Variants in SIN3A observed in about 807,000 individuals in gnomAD.
SIN3A encodes SIN3 transcription regulator family member A.
SIN3A carries 14 observed loss-of-function variants against 146.1 expected under a neutral mutation model. That is an observed-to-expected ratio of 0.10 (90% confidence interval 0.06 to 0.15). The LOEUF (loss-of-function observed/expected upper bound fraction) is 0.15. Among genes scored for constraint, SIN3A ranks in the 10% least tolerant of loss-of-function variants. The pLI is 1.00. For missense variants in SIN3A, 1,028 were observed against 1,576.0 expected (o/e 0.65, Z 5.89); for synonymous variants, 572 against 572.0 (o/e 1.00, Z 0.00).
intron 3 of SIN3A, among the ~76,000 whole-genome samples, chr15:75,416,931 G>C (rs962306751): frequency 6.6e-6 from 1 of 152,132 alleles, no homozygotes; most frequent in Non-Finnish European, 1.5e-5. Context: ...GGGTTGGCTT[G>C]TGAAAAGTTG....
chr15:75,454,705 C>CGCGCCGAGCGGTCCGCAGCA (rs1306389522), upstream of SIN3A, among the ~76,000 whole-genome samples: 3 of 151,410 alleles, frequency 2.0e-5, no homozygotes, highest in East Asian at 3.9e-4. Context: ...CCGCCCCATC[C>CGCGCCGAGCGGTCCGCAGCA]GCGCCGAGCG....
chr15:75,393,139 G>T (rs1301948812), intron 14 of SIN3A, among the ~76,000 whole-genome samples: 1 of 152,192 alleles, frequency 6.6e-6, no homozygotes. Context: ...TAAGGCAAGA[G>T]AATCACTTGA....
At chr15:75,437,718 C>CA (rs1206661018) in intron 1 of SIN3A, among the ~76,000 whole-genome samples, 6 of 152,158 alleles carry the variant, frequency 3.9e-5, no homozygotes, top group African/African-American at 1.4e-4. Context: ...CTTCAGCCAA[C>CA]ATGGTTGATC....
At chr15:75,380,765 A>C in intron 18 of SIN3A, 42 bp from the exon 19 acceptor site, 1 of 1,405,798 alleles carries the variant, frequency 7.1e-7, no homozygotes, top group Non-Finnish European at 1.0e-6. Flanking sequence ...GGAAATCACA[A>C]AAACAGCTCC....
chr15:75,375,579 A>G, intron 20 of SIN3A, 86 bp downstream of exon 20: 1 of 1,071,488 alleles, frequency 9.3e-7, no homozygotes, highest in South Asian at 1.3e-5. Flanking sequence ...GCATAAACAA[A>G]GAAAAACAAT....
At position 75,369,389 on chromosome 15, in the gene SIN3A, T is replaced by TC. The variant is rs2072682203; in HGVS notation, c.*2589_*2590insG. The TC allele has an allele frequency of 6.6e-6, 1 of 152,018 alleles. No homozygotes were observed. The highest frequency in any genetic ancestry group is 2.4e-5 in the African/African-American group (1 of 41,404). 9.4% of individuals were successfully genotyped at this position (152,018 alleles called of 1,614,324 possible). On this transcript the variant is annotated 3_prime_UTR_variant, in exon 21 of 21. Coordinates refer to ENST00000394947, the MANE Select transcript of SIN3A (RefSeq NM_001145358.2). ...AAAAAATACACAAGATTAGCCCTGA[T>TC]ATTTTAATGGAAATACTGACCAAGT... is the stretch of plus-strand genomic sequence containing the variant.
At chr15:75,384,693 T>G (rs768570783) in intron 16 of SIN3A, among the ~76,000 whole-genome samples, 1 of 152,138 alleles carries the variant, frequency 6.6e-6, no homozygotes, top group South Asian at 2.1e-4. Context: ...ATAAGAACCA[T>G]AGAGAACTCA....
intron 14 of SIN3A, among the ~76,000 whole-genome samples, chr15:75,393,532 T>C (rs62029734): frequency 0.083 from 12,671 of 152,054 alleles, 671 homozygotes; most frequent in South Asian, 0.2. Context: ...TGCACCACCA[T>C]GCCAGGCTAA....
At position 75,415,854 on chromosome 15, in the gene SIN3A, G is replaced by GAA. The variant is rs397946961; in HGVS notation, c.367-1545_367-1544dup. On this transcript the variant is annotated intron_variant, in intron 3 of 20. Coordinates refer to ENST00000394947, the MANE Select transcript of SIN3A (RefSeq NM_001145358.2). Reference sequence around the variant, plus strand: ...CAACAAGAGTGAAACTCGGTCTCAGGAAAAAAAAAAAAAAAAAAAAAGTCC... The same window carrying GAA: ...CAACAAGAGTGAAACTCGGTCTCAGGAAAAAAAAAAAAAAAAAAAAAAAGTCC... 785 of 96,110 alleles carry GAA rather than the reference G, an allele frequency of 8.2e-3. 6 individuals are homozygous for GAA. Among genetic ancestry groups the GAA allele is most frequent in the South Asian group, 0.021 (73 of 3,516 alleles). 6.0% of individuals were successfully genotyped at this position (96,110 alleles called of 1,614,324 possible). A position where few individuals can be genotyped will look rare whatever the true frequency, so the allele number is the denominator to read the frequency against.
Position 75,380,649 on chromosome 15 carries a change from C to A in SIN3A, c.3363G>T (p.Gln1121His). 1 of 1,613,738 alleles carries A rather than the reference C, an allele frequency of 6.2e-7. No homozygotes were observed. The highest frequency in any genetic ancestry group is 8.5e-7 in the Non-Finnish European group (1 of 1,179,662). Residue 1121 changes from glutamine (Q) to histidine (H), a missense_variant, in exon 19 of 21, where the codon CAG becomes CAT. Physicochemically the swap from Gln to His is conservative, Grantham distance 24. Coordinates refer to ENST00000394947, the MANE Select transcript of SIN3A (RefSeq NM_001145358.2). ...CTCACCTGGGGAGAAATACTGGTTT[C>A]TGTGCTAGATGTTCACGAAGCTCAG... Reference protein sequence around the residue: ...TSPELREHLAQKPVFLPRNLR... With the variant: ...TSPELREHLAHKPVFLPRNLR...
At chr15:75,417,688 T>C (rs536672820) in intron 3 of SIN3A, among the ~76,000 whole-genome samples, 8 of 152,246 alleles carry the variant, frequency 5.3e-5, no homozygotes, top group African/African-American at 1.4e-4. Flanking sequence ...CAGGCATAGA[T>C]AGTCTTTTGA....
At chr15:75,404,296 T>C (rs2073467511) in intron 9 of SIN3A, among the ~76,000 whole-genome samples, 1 of 152,220 alleles carries the variant, frequency 6.6e-6, no homozygotes, top group East Asian at 1.9e-4. Flanking sequence ...CTTTTAAACA[T>C]ACACAAAAGT....
intron 1 of SIN3A, among the ~76,000 whole-genome samples, chr15:75,439,344 CTT>C (rs919936063): frequency 9.7e-5 from 14 of 144,308 alleles, no homozygotes; most frequent in Admixed American, 1.4e-4. Context: ...TGTCACATAT[CTT>C]TTTTTTTTTT....
chr15:75,392,607 C>A lies in SIN3A; in HGVS notation c.2486G>T (p.Gly829Val). ...CTCTTCCTCCACATCTGAGAGATCA[C>A]CTCTTTGGGCAAAGAGCAAATCTGG... The part of the protein sequence containing the change: ...FIPDLLFAQR[G>V]DLSDVEEEEE... The change falls in exon 15 of 21, where the codon GGT (glycine) becomes GTT (valine). Residue 829 changes from glycine (G) to valine (V), a missense_variant. By Grantham distance (109) the Gly-to-Val change is moderately radical (BLOSUM62 -3). This residue lies in a region of SIN3A where 488 missense variants were observed against 690.2 expected (regional missense o/e 0.71). Transcript: ENST00000394947. 1 of 1,614,150 alleles carries A rather than the reference C, an allele frequency of 6.2e-7. No individual in the cohort carries two copies. The highest frequency in any genetic ancestry group is 8.5e-7 in the Non-Finnish European group (1 of 1,180,028).
rs373137269 is a variant in SIN3A at position 75,380,676 on chromosome 15, C to T, written c.3336G>A (p.Ser1112=). ...GTGCTAGATGTTCACGAAGCTCAGGCGAGGTAGTATCTGAATTCATGTATC... is the reference window on the plus strand; with the variant it reads ...GTGCTAGATGTTCACGAAGCTCAGGTGAGGTAGTATCTGAATTCATGTATC... The part of the protein sequence containing the change: ...VERYMNSDTT[S]PELREHLAQK... Residue 1112 remains serine (S), a synonymous_variant, in exon 19 of 21, where the codon TCG becomes TCA. Coordinates refer to ENST00000394947, the MANE Select transcript of SIN3A (RefSeq NM_001145358.2). 1.7e-5 allele frequency: 27 copies of T among 1,613,886 alleles called. No individual in the cohort carries two copies. Among genetic ancestry groups the T allele is most frequent in the East Asian group, 2.2e-5 (1 of 44,886 alleles).
At chr15:75,379,503 G>T (rs981114834) in intron 19 of SIN3A, among the ~76,000 whole-genome samples, 1 of 152,188 alleles carries the variant, frequency 6.6e-6, no homozygotes, top group African/African-American at 2.4e-5. Context: ...CATGGTGAGA[G>T]ACACATGATG....
At chr15:75,408,115 C>G (rs1484659363) in intron 8 of SIN3A, among the ~76,000 whole-genome samples, 1 of 152,022 alleles carries the variant, frequency 6.6e-6, no homozygotes, top group Non-Finnish European at 1.5e-5. Flanking sequence ...TCTTAAGAGC[C>G]GCAGCCTCTG....
Position 75,380,737 on chromosome 15 carries a change from C to T in SIN3A, c.3289-14G>A. ...GTCTGACCAGCGCTAAGATGGCAAA[C>T]ACAAAATACAGGTGGAAGGAAATCA... is the stretch of plus-strand genomic sequence containing the variant. On this transcript the variant is annotated splice_polypyrimidine_tract_variant and intron_variant, in intron 18 of 20. Transcript: ENST00000394947. 1 of 1,594,582 alleles carries T rather than the reference C, an allele frequency of 6.3e-7. No individual in the cohort carries two copies. The highest frequency in any genetic ancestry group is 8.6e-7 in the Non-Finnish European group (1 of 1,162,544).
rs186439033 is a variant in SIN3A at position 75,376,924 on chromosome 15, T to C, written c.3384-1052A>G. 1.1e-3 allele frequency among the ~76,000 whole-genome samples: 158 copies of C among 149,262 alleles called. No homozygotes were observed. The East Asian group carries it at 0.022, about 21-fold the overall frequency. On this transcript the variant is annotated intron_variant, in intron 19 of 20. Transcript: ENST00000394947. ...TATTGCTTCAGTGAGAATCTTTGTA[T>C]ACAAGTATTTCTGTAGACAGCAGTT...
Sources: allele counts gnomAD v4.1 joint callset (sites outside exome capture counted in the v4.1 genomes callset), GRCh38; gene constraint gnomAD v4.1.1; regional missense constraint gnomAD v4.1.1; transcripts MANE v1.5; gene names NCBI Gene and HGNC (gene_info 2026-07-23, HGNC 2026-07-21).